The following MAML3 variants were observed in gnomAD, a reference collection of about 807,000 sequenced individuals.
MAML3 encodes the protein mastermind-like protein 3.
A neutral mutation model predicts 101.9 loss-of-function variants in MAML3; 27 were observed. The observed-to-expected ratio is 0.27, with a 90% CI of 0.20 to 0.37. The LOEUF is 0.37. Among genes scored for constraint, MAML3 ranks in the 10% least tolerant of loss-of-function variants. The pLI is 1.00. For missense variants in MAML3, 1,316 were observed against 1,444.9 expected (o/e 0.91, Z 1.45); for synonymous variants, 501 against 555.9 (o/e 0.90, Z 1.39).
chr4:139,719,989 C>G lies in MAML3; in HGVS notation c.2751G>C (p.Gln917His), dbSNP rs1424435653. ...TAATGGCTGAGTTCACCAGCATGCT[C>G]TGACCAAAGCCACTCACCATTCCAA... Reference protein sequence around the residue: ...QGVGMVSGFGQSMLVNSAITQ... With the variant: ...QGVGMVSGFGHSMLVNSAITQ... Residue 917 changes from glutamine to histidine, a missense_variant, in exon 5 of 5, where the codon CAG (glutamine) becomes CAC (histidine). Coordinates refer to ENST00000509479, the MANE Select transcript of MAML3 (RefSeq NM_018717.5). The G allele has an allele frequency of 6.2e-7, 1 of 1,614,106 alleles. No homozygotes were observed.
intron 2 of MAML3, among the ~76,000 whole-genome samples, chr4:139,741,544 T>C (rs570056260): frequency 3.4e-4 from 52 of 152,112 alleles, no homozygotes; most frequent in Admixed American, 7.9e-4. Context: ...TTGAGTTCAG[T>C]TCAGGACCAG....
At chr4:140,014,936 T>G (rs1184711502) in intron 1 of MAML3, among the ~76,000 whole-genome samples, 2 of 152,200 alleles carry the variant, frequency 1.3e-5, no homozygotes, top group African/African-American at 4.8e-5. Flanking sequence ...TCTGGCAATA[T>G]TAAATTTTAC....
At chr4:139,860,198 G>A (rs929074384) in intron 2 of MAML3, among the ~76,000 whole-genome samples, 1 of 152,256 alleles carries the variant, frequency 6.6e-6, no homozygotes, top group African/African-American at 2.4e-5. Flanking sequence ...CGTGGGGTCG[G>A]AGTCGCTTCC....
At chr4:139,771,582 G>C (rs1030382642) in intron 2 of MAML3, among the ~76,000 whole-genome samples, 1 of 152,100 alleles carries the variant, frequency 6.6e-6, no homozygotes, top group Admixed American at 6.5e-5. Flanking sequence ...TAAAATAAAG[G>C]GCAGAGTTCA....
chr4:139,890,598 C>G lies in MAML3; in HGVS notation c.838G>C (p.Asp280His). ...QSKDLKQEPL[D>H]DPTCIDTSET... ...GATGTGTCTATGCAAGTAGGGTCAT[C>G]GAGAGGTTCTTGTTTGAGGTCTTTG... The change falls in exon 2 of 5, where the codon GAT becomes CAT. Residue 280 changes from aspartate (D) to histidine (H), a missense_variant. Coordinates refer to ENST00000509479, the MANE Select transcript of MAML3 (RefSeq NM_018717.5). This position sits in a 1 kb window ranked among gnomAD's most constrained non-coding sequence, Gnocchi z 4.1. 6.2e-7 allele frequency: 1 copy of G among 1,613,952 alleles called. No individual in the cohort carries two copies. The highest frequency in any genetic ancestry group is 8.5e-7 in the Non-Finnish European group (1 of 1,179,872).
chr4:140,092,502 C>G (rs1020878735), intron 1 of MAML3, among the ~76,000 whole-genome samples: 2 of 152,138 alleles, frequency 1.3e-5, no homozygotes, highest in African/African-American at 4.8e-5. Context: ...CGAGAACAAA[C>G]GGCGCGGCCG....
intron 1 of MAML3, among the ~76,000 whole-genome samples, chr4:139,991,477 T>C (rs1734670938): frequency 6.6e-6 from 1 of 152,270 alleles, no homozygotes; most frequent in South Asian, 2.1e-4. Context: ...CACCAAACTA[T>C]TTCTAATAAT....
Position 140,074,199 on chromosome 4 carries a change from G to GAGAAAGAAAGAAAGAAAGAA in MAML3, c.468+78641_468+78660dup, listed in dbSNP as rs57126361. 8.8e-4 allele frequency among the ~76,000 whole-genome samples: 72 copies of GAGAAAGAAAGAAAGAAAGAA among 82,038 alleles called. 1 individual carries two copies. The highest frequency in any genetic ancestry group is 6.3e-3 in the Middle Eastern group (1 of 158). The allele number at this position is 82,038 out of a possible 152,430, so 53.8% of individuals were successfully genotyped here. ...AGAAAGAGAGAGAGAGAGAAAGAAA[G>GAGAAAGAAAGAAAGAAAGAA]AGAAAGAAAGAAAGAAAGAAAGAAA... On this transcript the variant is annotated intron_variant, in intron 1 of 4. Coordinates refer to ENST00000509479, the MANE Select transcript of MAML3 (RefSeq NM_018717.5).
Position 139,936,726 on chromosome 4 carries a change from G to GA in MAML3, c.469-45760dup, listed in dbSNP as rs1193797752. Among the ~76,000 whole-genome samples the GA allele has an allele frequency of 2.6e-5, 4 of 152,034 alleles. No individual in the cohort carries two copies. In the South Asian group the frequency reaches 8.3e-4, roughly 32 times the overall value. ...CTGTCTCTAAAAAACAACAAAAGTT[G>GA]AAAAAAATACCTGAGATATCTTTGT... On this transcript the variant is annotated intron_variant, in intron 1 of 4. Coordinates refer to ENST00000509479, the MANE Select transcript of MAML3 (RefSeq NM_018717.5).
At chr4:140,110,255 CGCTT>C (rs1447285888) in intron 1 of MAML3, among the ~76,000 whole-genome samples, 3 of 152,236 alleles carry the variant, frequency 2.0e-5, no homozygotes, top group Non-Finnish European at 4.4e-5. Flanking sequence ...ACCAACAAAA[CGCTT>C]GCACAGGGGC....
intron 2 of MAML3, among the ~76,000 whole-genome samples, chr4:139,753,354 A>ATCTATC (rs1213038737): frequency 1.3e-5 from 2 of 150,752 alleles, no homozygotes; most frequent in Non-Finnish European, 2.9e-5. Flanking sequence ...CTATCTATCT[A>ATCTATC]TCTATCTATC....
chr4:139,926,947 G>A (rs1006005607), intron 1 of MAML3, among the ~76,000 whole-genome samples: 1 of 152,180 alleles, frequency 6.6e-6, no homozygotes, highest in Admixed American at 6.5e-5. Flanking sequence ...TGCCTTCCAG[G>A]CCATAACAAT....
At chr4:139,723,237 A>G (rs2110964991) in intron 4 of MAML3, among the ~76,000 whole-genome samples, 1 of 152,390 alleles carries the variant, frequency 6.6e-6, no homozygotes, top group South Asian at 2.1e-4. Context: ...CTATTTATAT[A>G]GAAACAAAAG....
chr4:140,110,522 A>G (rs1037976013), intron 1 of MAML3, among the ~76,000 whole-genome samples: 13 of 152,256 alleles, frequency 8.5e-5, no homozygotes, highest in African/African-American at 3.1e-4. Context: ...GTACAACCCC[A>G]TCTTTGAGCA....
At chr4:139,969,552 G>A (rs1423305587) in intron 1 of MAML3, among the ~76,000 whole-genome samples, 1 of 152,156 alleles carries the variant, frequency 6.6e-6, no homozygotes, top group Non-Finnish European at 1.5e-5. Flanking sequence ...GTATTAAAAT[G>A]TAGACATATG....
chr4:139,931,825 C>A (rs1378212024), intron 1 of MAML3, among the ~76,000 whole-genome samples: 2 of 151,062 alleles, frequency 1.3e-5, no homozygotes, highest in Non-Finnish European at 2.9e-5. Flanking sequence ...GCCTGACGAA[C>A]ATGGTGAAAC....
At chr4:139,794,519 T>C (rs1196959012) in intron 2 of MAML3, 1 of 152,270 alleles carries the variant, frequency 6.6e-6, no homozygotes, top group Non-Finnish European at 1.5e-5. Flanking sequence ...CAGGCTTTGC[T>C]TAAGCACACT....
intron 1 of MAML3, among the ~76,000 whole-genome samples, chr4:139,928,416 A>T (rs1297064521): frequency 6.6e-6 from 1 of 152,220 alleles, no homozygotes; most frequent in Non-Finnish European, 1.5e-5. Flanking sequence ...AAGAAAACAT[A>T]TTAAAAGAAT....
At chr4:139,770,952 T>C (rs984800716) in intron 2 of MAML3, among the ~76,000 whole-genome samples, 11 of 152,084 alleles carry the variant, frequency 7.2e-5, no homozygotes, top group African/African-American at 2.7e-4. Context: ...TGTGAAAGGA[T>C]TAACAACTGG....
Sources: allele counts gnomAD v4.1 joint callset (sites outside exome capture counted in the v4.1 genomes callset), GRCh38; gene constraint gnomAD v4.1.1; non-coding constraint Gnocchi (gnomAD v3.1); transcripts MANE v1.5; gene names NCBI Gene and HGNC (gene_info 2026-07-23, HGNC 2026-07-21).